Variants in CCSER1 observed in about 807,000 individuals in gnomAD.
CCSER1 encodes serine-rich coiled-coil domain-containing protein 1.
A neutral mutation model predicts 82.0 loss-of-function variants in CCSER1; 41 were observed. The observed-to-expected ratio is 0.50, with a 90% CI of 0.39 to 0.65. The LOEUF is 0.65. Ranked by LOEUF, CCSER1 falls within the 30% of genes least tolerant of loss-of-function variation. The pLI is 0.00. For synonymous variants in CCSER1, 414 were observed against 383.9 expected (o/e 1.08, Z -0.92); for missense variants, 1,119 against 1,064.2 (o/e 1.05, Z -0.72).
chr4:90,556,015 A>C (rs1278212848), intron 5 of CCSER1, among the ~76,000 whole-genome samples: 1 of 152,136 alleles, frequency 6.6e-6, no homozygotes, highest in Non-Finnish European at 1.5e-5. Context: ...CATGCAGTTA[A>C]ATATAAATAA....
chr4:90,715,181 G>A (rs1224787674), intron 6 of CCSER1, among the ~76,000 whole-genome samples: 1 of 151,952 alleles, frequency 6.6e-6, no homozygotes, highest in African/African-American at 2.4e-5. Context: ...CTTATGCTAA[G>A]TTTAGTTTCC....
At chr4:90,589,366 GATTT>G (rs1176263813) in intron 5 of CCSER1, among the ~76,000 whole-genome samples, 5 of 151,550 alleles carry the variant, frequency 3.3e-5, no homozygotes, top group Admixed American at 6.6e-5. Flanking sequence ...TTAATTTATA[GATTT>G]ATTTGATTAA....
chr4:90,806,467 A>G (rs1379230998), intron 7 of CCSER1, among the ~76,000 whole-genome samples: 2 of 152,216 alleles, frequency 1.3e-5, no homozygotes, highest in Non-Finnish European at 2.9e-5. Flanking sequence ...AATGTTAATT[A>G]ATACAAAAAT....
chr4:91,396,537 G>A (rs1191121675), intron 10 of CCSER1, among the ~76,000 whole-genome samples: 1 of 152,028 alleles, frequency 6.6e-6, no homozygotes, highest in Non-Finnish European at 1.5e-5. Context: ...ATCAAATTAG[G>A]AGAGCATCTG....
chr4:91,337,249 A>G (rs1747383207), intron 10 of CCSER1, among the ~76,000 whole-genome samples: 1 of 152,108 alleles, frequency 6.6e-6, no homozygotes, highest in Non-Finnish European at 1.5e-5. Context: ...TAGAATGATA[A>G]TGCTTACTTA....
At chr4:90,940,085 GATCTTT>G (rs1731413442) in intron 9 of CCSER1, among the ~76,000 whole-genome samples, 1 of 152,106 alleles carries the variant, frequency 6.6e-6, no homozygotes, top group African/African-American at 2.4e-5. Flanking sequence ...TTCAATTGAA[GATCTTT>G]TACCAGGCTA....
intron 7 of CCSER1, among the ~76,000 whole-genome samples, chr4:90,736,960 C>T (rs576618189): frequency 1.1e-4 from 17 of 152,116 alleles, no homozygotes; most frequent in African/African-American, 3.4e-4. Context: ...ACATGGATTG[C>T]ATGAACAAAC....
intron 5 of CCSER1, among the ~76,000 whole-genome samples, chr4:90,494,663 A>G (rs1247734104): frequency 2.0e-5 from 3 of 152,196 alleles, no homozygotes; most frequent in African/African-American, 7.2e-5. Context: ...GGATAAAAAC[A>G]AATGTCTGCA....
At chr4:91,413,572 G>A (rs1364605750) in intron 10 of CCSER1, among the ~76,000 whole-genome samples, 1 of 152,034 alleles carries the variant, frequency 6.6e-6, no homozygotes, top group Non-Finnish European at 1.5e-5. Flanking sequence ...ACCATGAAGT[G>A]TGTGAATATA....
At chr4:90,251,087 T>TTGTGTA (rs944884095) in intron 1 of CCSER1, among the ~76,000 whole-genome samples, 2 of 151,914 alleles carry the variant, frequency 1.3e-5, no homozygotes, top group African/African-American at 4.8e-5. Flanking sequence ...TTATTTTTGT[T>TTGTGTA]TGTGTATGTG....
rs1199600023 is a variant in CCSER1, at chr4:91,099,876, G to C, written c.2217+13882G>C. Among the ~76,000 whole-genome samples the C allele has an allele frequency of 3.9e-5, 6 of 152,050 alleles. No individual in the cohort carries two copies. In the South Asian group the frequency reaches 1.2e-3, roughly 31 times the overall value. ...GGGTTTCCTATTCAGATCTTTAAAA[G>C]GTGCAGACTTAGTTAATCTCTTTAG... On this transcript the variant is annotated intron_variant, in intron 10 of 10. Transcript: ENST00000509176.
chr4:90,584,542 T>C (rs933025750), intron 5 of CCSER1, among the ~76,000 whole-genome samples: 1 of 152,196 alleles, frequency 6.6e-6, no homozygotes, highest in Non-Finnish European at 1.5e-5. Flanking sequence ...CCAACCACTG[T>C]ATGCCAGACT....
chr4:90,172,045 G>A (rs1358725656), intron 1 of CCSER1, among the ~76,000 whole-genome samples: 2 of 151,856 alleles, frequency 1.3e-5, no homozygotes, highest in African/African-American at 2.4e-5. Context: ...GGTTCTGTAG[G>A]TGGGAAGTGT....
chr4:91,199,473 T>A (rs1735725225), intron 10 of CCSER1, among the ~76,000 whole-genome samples: 2 of 152,154 alleles, frequency 1.3e-5, no homozygotes, highest in African/African-American at 4.8e-5. Flanking sequence ...CACGAATGCA[T>A]TTTTGACCTT....
chr4:91,105,387 T>G lies in CCSER1; in HGVS notation c.2217+19393T>G, dbSNP rs184826432. Among the ~76,000 whole-genome samples, 81 of 141,992 alleles carry G rather than the reference T, an allele frequency of 5.7e-4. 3 individuals carry two copies. The highest frequency in any genetic ancestry group is 4.9e-4 in the Non-Finnish European group (32 of 65,970). The allele number at this position is 141,992 out of a possible 152,430, so 93.2% of individuals were successfully genotyped here. On this transcript the variant is annotated intron_variant, in intron 10 of 10. Transcript: ENST00000509176. ...CTTTGAAACTTGATCACATTCAAATTCCAACCACTAACAGTAAACAAAAAA... is the reference window on the plus strand; with the variant it reads ...CTTTGAAACTTGATCACATTCAAATGCCAACCACTAACAGTAAACAAAAAA...
intron 10 of CCSER1, among the ~76,000 whole-genome samples, chr4:91,325,919 A>G (rs756245389): frequency 2.0e-5 from 3 of 152,190 alleles, no homozygotes; most frequent in Non-Finnish European, 4.4e-5. Context: ...TTAGAACTTT[A>G]TGAATCAAAT....
chr4:90,530,016 A>G (rs913274426), intron 5 of CCSER1, among the ~76,000 whole-genome samples: 1 of 151,690 alleles, frequency 6.6e-6, no homozygotes, highest in Non-Finnish European at 1.5e-5. Flanking sequence ...CTGCTCTTTA[A>G]TATGCATGGG....
rs149609226 is a variant in CCSER1 at position 90,692,934 on chromosome 4, T to C, written c.1933-30980T>C. 2.7e-3 allele frequency among the ~76,000 whole-genome samples: 405 copies of C among 152,106 alleles called. 3 individuals carry two copies. Among genetic ancestry groups the C allele is most frequent in the Non-Finnish European group, 3.9e-3 (267 of 67,902 alleles). ...ACGTTTTTCTCATTTTAAATGCATG[T>C]CCTTTTTTCTTTATAAAGATGTTTG... is the stretch of plus-strand genomic sequence containing the variant. On this transcript the variant is annotated intron_variant, in intron 6 of 10. Coordinates refer to ENST00000509176, the MANE Select transcript of CCSER1 (RefSeq NM_001145065.2).
intron 10 of CCSER1, among the ~76,000 whole-genome samples, chr4:91,447,425 G>A (rs1755633313): frequency 6.6e-6 from 1 of 151,720 alleles, no homozygotes; most frequent in Admixed American, 6.6e-5. Flanking sequence ...TCCTCATCTT[G>A]ATTGGTGGTT....
Sources: allele counts gnomAD v4.1 joint callset (sites outside exome capture counted in the v4.1 genomes callset), GRCh38; gene constraint gnomAD v4.1.1; transcripts MANE v1.5; gene names NCBI Gene and HGNC (gene_info 2026-07-23, HGNC 2026-07-21).